OPCML: variants seen among roughly 807,000 people sequenced by gnomAD.
OPCML encodes the protein opioid binding protein/cell adhesion molecule like.
OPCML carries 13 observed loss-of-function variants against 37.8 expected under a neutral mutation model. That is an observed-to-expected ratio of 0.34 (90% CI 0.22 to 0.55). The LOEUF is 0.55. Ranked by LOEUF, OPCML falls within the 20% of genes least tolerant of loss-of-function variation. The probability of loss-of-function intolerance (pLI) is 0.91; values close to 1 mark genes in which losing one functional copy is unlikely to be tolerated. For missense variants in OPCML, 341 were observed against 435.6 expected (o/e 0.78, Z 1.93); for synonymous variants, 176 against 168.8 (o/e 1.04, Z -0.33).
Position 132,762,267 on chromosome 11 carries a change from T to A in OPCML, c.147-104948A>T, listed in dbSNP as rs555227308. On this transcript the variant is annotated intron_variant, in intron 2 of 7. Coordinates refer to ENST00000524381, the MANE Select transcript of OPCML (RefSeq NM_001012393.5). ...CTTTCAACCCCTGCTGGGAGTTGTC[T>A]CCCAGACAGGAGGCATGGGGGTCAG... Among the ~76,000 whole-genome samples the A allele has an allele frequency of 9.2e-5, 14 of 152,270 alleles. No individual in the cohort carries two copies. In the South Asian group the frequency reaches 1.0e-3, roughly 11 times the overall value.
At chr11:132,711,267 T>C (rs1332564183) in intron 2 of OPCML, among the ~76,000 whole-genome samples, 2 of 152,132 alleles carry the variant, frequency 1.3e-5, no homozygotes, top group African/African-American at 4.8e-5. Flanking sequence ...TTAATATCAG[T>C]GATGAACTGA....
At chr11:132,581,325 T>C (rs2096461592) in intron 3 of OPCML, among the ~76,000 whole-genome samples, 1 of 152,184 alleles carries the variant, frequency 6.6e-6, no homozygotes, top group Non-Finnish European at 1.5e-5. Context: ...CCACATCCTG[T>C]CCCCTGTGTC....
Position 132,874,020 on chromosome 11 carries a change from G to C in OPCML, c.146+68906C>G, listed in dbSNP as rs533325871. Among the ~76,000 whole-genome samples, 10 of 152,242 alleles carry C rather than the reference G, an allele frequency of 6.6e-5. No individual in the cohort carries two copies. In the East Asian group the frequency reaches 1.9e-3, roughly 29 times the overall value. On this transcript the variant is annotated intron_variant, in intron 2 of 7. Transcript: ENST00000524381. ...TCGTTACCCTGTCACACTGGATCAGGTGCCTGCCATAACACCAGCTCAGGG... is the reference window on the plus strand; with the variant it reads ...TCGTTACCCTGTCACACTGGATCAGCTGCCTGCCATAACACCAGCTCAGGG...
intron 1 of OPCML, among the ~76,000 whole-genome samples, chr11:133,127,959 A>G (rs1188149406): frequency 1.3e-5 from 2 of 152,032 alleles, no homozygotes; most frequent in East Asian, 3.9e-4. Flanking sequence ...CATATGGAAG[A>G]CAATGTGGTT....
At chr11:132,961,706 C>G (rs1946096983) in intron 1 of OPCML, among the ~76,000 whole-genome samples, 1 of 152,200 alleles carries the variant, frequency 6.6e-6, no homozygotes, top group South Asian at 2.1e-4. Context: ...GCCCCTTTGA[C>G]TGATGATTTG....
At position 132,822,503 on chromosome 11, in the gene OPCML, A is replaced by AGT. The variant is rs35359537; in HGVS notation, c.146+120421_146+120422dup. On this transcript the variant is annotated intron_variant, in intron 2 of 7. Coordinates refer to ENST00000524381, the MANE Select transcript of OPCML (RefSeq NM_001012393.5). Reference sequence around the variant, plus strand: ...ACTGTGACAGCTGACAGGAGAGTGAAGTGTGTGTGTGTGTGTGTGTGCGCG... The same window carrying AGT: ...ACTGTGACAGCTGACAGGAGAGTGAAGTGTGTGTGTGTGTGTGTGTGTGCGCG... 7.1e-3 allele frequency among the ~76,000 whole-genome samples: 1,058 copies of AGT among 149,608 alleles called. 5 individuals carry two copies. Among genetic ancestry groups the AGT allele is most frequent in the African/African-American group, 0.011 (449 of 40,914 alleles).
intron 2 of OPCML, among the ~76,000 whole-genome samples, chr11:132,816,449 T>C (rs1939643751): frequency 6.6e-6 from 1 of 152,232 alleles, no homozygotes; most frequent in South Asian, 2.1e-4. Context: ...TTATGCATTA[T>C]GAAATATTCT....
At chr11:132,643,842 T>A (rs1181861697) in intron 3 of OPCML, among the ~76,000 whole-genome samples, 1 of 152,168 alleles carries the variant, frequency 6.6e-6, no homozygotes, top group Non-Finnish European at 1.5e-5. Context: ...GAAGTGTGTG[T>A]GTTTTGCTAA....
At chr11:132,908,188 A>T (rs929777009) in intron 2 of OPCML, among the ~76,000 whole-genome samples, 4 of 152,218 alleles carry the variant, frequency 2.6e-5, no homozygotes, top group Non-Finnish European at 4.4e-5. Flanking sequence ...CGGCCTGACT[A>T]ATAACAGGAA....
rs561904812 is a variant in OPCML, at chr11:132,875,557, C to T, written c.146+67369G>A. ...TTGGCTCACCGCAACCTCTACCTCCCGGATTCAAGCAATTCTCCTGCCTCA... is the reference window on the plus strand; with the variant it reads ...TTGGCTCACCGCAACCTCTACCTCCTGGATTCAAGCAATTCTCCTGCCTCA... On this transcript the variant is annotated intron_variant, in intron 2 of 7. Transcript: ENST00000524381. Among the ~76,000 whole-genome samples the T allele has an allele frequency of 6.6e-5, 10 of 151,754 alleles. No homozygotes were observed. In the East Asian group the frequency reaches 1.4e-3, roughly 21 times the overall value.
In OPCML at chr11:133,140,531, T is replaced by TAAGAAGAAGAAGAAGAAGAAGAAGAAG. The variant is rs1168417109; in HGVS notation, c.62-197548_62-197522dup. ...TGTCTCAAAATAATAATAATAATAA[T>TAAGAAGAAGAAGAAGAAGAAGAAGAAG]AAGAAGAAGAAGAAGAAGAAGAAGA... On this transcript the variant is annotated intron_variant, in intron 1 of 7. Transcript: ENST00000524381. 1.4e-3 allele frequency among the ~76,000 whole-genome samples: 121 copies of TAAGAAGAAGAAGAAGAAGAAGAAGAAG among 88,088 alleles called. 1 individual carries two copies. Among genetic ancestry groups the TAAGAAGAAGAAGAAGAAGAAGAAGAAG allele is most frequent in the East Asian group, 2.2e-3 (6 of 2,694 alleles). The allele number at this position is 88,088 out of a possible 152,430, so 57.8% of individuals were successfully genotyped here. A position where few individuals can be genotyped will look rare whatever the true frequency, so the allele number is the denominator to read the frequency against.
At chr11:133,389,360 G>A (rs1230017337) in intron 1 of OPCML, among the ~76,000 whole-genome samples, 4 of 152,324 alleles carry the variant, frequency 2.6e-5, no homozygotes, top group East Asian at 1.9e-4. Context: ...AGAATACACA[G>A]TCCTACCTGT....
intron 4 of OPCML, among the ~76,000 whole-genome samples, chr11:132,456,509 A>G (rs916408455): frequency 1.3e-5 from 2 of 152,216 alleles, no homozygotes; most frequent in Non-Finnish European, 2.9e-5. Context: ...TTCCAAGTGC[A>G]CTGTTGTCAG....
chr11:133,079,232 G>A (rs1046894555), intron 1 of OPCML, among the ~76,000 whole-genome samples: 13 of 152,138 alleles, frequency 8.5e-5, no homozygotes, highest in South Asian at 2.1e-4. Context: ...AACGAGAGGC[G>A]TATTTCAACT....
chr11:132,770,458 G>A (rs1047513838), intron 2 of OPCML, among the ~76,000 whole-genome samples: 9 of 152,096 alleles, frequency 5.9e-5, no homozygotes, highest in Non-Finnish European at 1.0e-4. Flanking sequence ...AATAGATACT[G>A]AGGTACATTT....
At position 133,276,948 on chromosome 11, in the gene OPCML, T is replaced by C. The variant is rs546224521; in HGVS notation, c.61+255316A>G. On this transcript the variant is annotated intron_variant, in intron 1 of 7. Transcript: ENST00000524381. ...AATGTTTCTGAAATTTCAGACATAG[T>C]TCCAATAGTTTATAGATGGATAAAT... 2.6e-5 allele frequency among the ~76,000 whole-genome samples: 4 copies of C among 152,354 alleles called. No individual in the cohort carries two copies. The East Asian group carries it at 7.7e-4, about 29-fold the overall frequency.
intron 2 of OPCML, among the ~76,000 whole-genome samples, chr11:132,785,872 T>G (rs1302454324): frequency 6.6e-6 from 1 of 152,222 alleles, no homozygotes; most frequent in African/African-American, 2.4e-5. Flanking sequence ...CCATTTAAAC[T>G]AAGCATAGAG....
chr11:133,209,457 C>A (rs1164635378), intron 1 of OPCML, among the ~76,000 whole-genome samples: 1 of 151,792 alleles, frequency 6.6e-6, no homozygotes, highest in Non-Finnish European at 1.5e-5. Context: ...ATGGCACACC[C>A]ATCCAAAGAA....
At chr11:132,672,801 T>G (rs189248689) in intron 2 of OPCML, among the ~76,000 whole-genome samples, 1 of 152,278 alleles carries the variant, frequency 6.6e-6, no homozygotes, top group East Asian at 1.9e-4. Flanking sequence ...ATATTTAGCT[T>G]GGTTCTTCAC....
Sources: allele counts gnomAD v4.1 joint callset (sites outside exome capture counted in the v4.1 genomes callset), GRCh38; gene constraint gnomAD v4.1.1; transcripts MANE v1.5; gene names NCBI Gene and HGNC (gene_info 2026-07-23, HGNC 2026-07-21).